The following SGCD variants were observed in gnomAD, a reference collection of about 807,000 sequenced individuals.
SGCD encodes the protein sarcoglycan delta.
SGCD carries 18 observed loss-of-function variants against 36.6 expected under a neutral mutation model. That is an observed-to-expected ratio of 0.49 (90% CI 0.34 to 0.73). SGCD has a LOEUF of 0.73. Among genes scored for constraint, SGCD ranks in the 30% least tolerant of loss-of-function variants. The probability of loss-of-function intolerance (pLI) is 0.01; values close to 1 mark genes in which losing one functional copy is unlikely to be tolerated. For synonymous variants in SGCD, 133 were observed against 130.6 expected (o/e 1.02, Z -0.12); for missense variants, 387 against 346.7 (o/e 1.12, Z -0.92).
chr5:155,854,558 G>T, the SGCD span, among the ~76,000 whole-genome samples: 2 of 152,200 alleles, frequency 1.3e-5, no homozygotes, highest in African/African-American at 4.8e-5. Context: ...GGTAGATTAT[G>T]CTGATTCAAC....
Position 155,887,202 on chromosome 5 carries a change from A to T in SGCD, c.-282+16778A>T, listed in dbSNP as rs77723746. 2.6e-4 allele frequency among the ~76,000 whole-genome samples: 40 copies of T among 152,326 alleles called. No homozygotes were observed. The East Asian group carries it at 6.0e-3, about 23-fold the overall frequency. ...GAAGTTGCATGGAAATCAAACTTAT[A>T]TCATTCTAGTCATATTTTCTCTCTG... On this transcript the variant is annotated intron_variant, in intron 1 of 9. Transcript: ENST00000517913.
At chr5:155,818,754 C>T in the SGCD span, among the ~76,000 whole-genome samples, 4 of 152,132 alleles carry the variant, frequency 2.6e-5, no homozygotes, top group Admixed American at 6.5e-5. Flanking sequence ...CTTCTGGCCT[C>T]AAGAGATCCT....
intron 7 of SGCD, among the ~76,000 whole-genome samples, chr5:156,684,635 A>T (rs1026352696): frequency 1.3e-5 from 2 of 152,184 alleles, no homozygotes; most frequent in African/African-American, 4.8e-5. Flanking sequence ...CACAGCAATT[A>T]TTCATCTGTA....
upstream of SGCD, among the ~76,000 whole-genome samples, chr5:156,325,587 A>G (rs1307740930): frequency 6.6e-6 from 1 of 152,164 alleles, no homozygotes; most frequent in Non-Finnish European, 1.5e-5. Flanking sequence ...AGGCTAGATG[A>G]TATCACCTTC....
chr5:156,560,573 A>T (rs1759226832), intron 4 of SGCD, among the ~76,000 whole-genome samples: 5 of 152,228 alleles, frequency 3.3e-5, no homozygotes, highest in Admixed American at 3.3e-4. Context: ...TGTAATAGAA[A>T]ACAGTTTAAA....
At chr5:156,264,523 CA>C (rs1248479684) in intron 3 of SGCD, among the ~76,000 whole-genome samples, 1 of 152,014 alleles carries the variant, frequency 6.6e-6, no homozygotes, top group African/African-American at 2.4e-5. Context: ...GTTCAAATTC[CA>C]ATGCTATCAC....
intron 3 of SGCD, among the ~76,000 whole-genome samples, chr5:156,256,578 T>C (rs1211206350): frequency 6.6e-6 from 1 of 152,208 alleles, no homozygotes; most frequent in Non-Finnish European, 1.5e-5. Context: ...TTGATAGATA[T>C]TTGGTTCATT....
chr5:156,435,826 C>G (rs944247832), intron 3 of SGCD, among the ~76,000 whole-genome samples: 1 of 152,122 alleles, frequency 6.6e-6, no homozygotes, highest in African/African-American at 2.4e-5. Flanking sequence ...TCAACTCAGG[C>G]CTTTGTAAAA....
At chr5:156,279,924 T>A (rs1766407824) in intron 3 of SGCD, among the ~76,000 whole-genome samples, 2 of 151,904 alleles carry the variant, frequency 1.3e-5, no homozygotes, top group Admixed American at 1.3e-4. Flanking sequence ...TTTCCACCAC[T>A]CTGTGAAATG....
chr5:156,748,290 GA>G (rs1422633479), intron 7 of SGCD, among the ~76,000 whole-genome samples: 5 of 152,214 alleles, frequency 3.3e-5, no homozygotes, highest in African/African-American at 1.2e-4. Flanking sequence ...GTGATTACCT[GA>G]AACTATACAT....
At chr5:156,034,303 C>T (rs1759434988) in intron 1 of SGCD, among the ~76,000 whole-genome samples, 1 of 152,168 alleles carries the variant, frequency 6.6e-6, no homozygotes, top group Admixed American at 6.5e-5. Context: ...CTTCCTCCAC[C>T]AAACCTTTTG....
At chr5:156,718,728 G>A (rs1263588270) in intron 7 of SGCD, among the ~76,000 whole-genome samples, 1 of 151,502 alleles carries the variant, frequency 6.6e-6, no homozygotes, top group East Asian at 1.9e-4. Context: ...CAGCACTTTG[G>A]GAGGTTGAGG....
chr5:156,618,483 G>A (rs1458167703), intron 6 of SGCD, among the ~76,000 whole-genome samples: 7 of 149,476 alleles, frequency 4.7e-5, no homozygotes, highest in African/African-American at 9.9e-5. Flanking sequence ...GAACAACCAC[G>A]ACCTAATAAA....
At chr5:156,541,220 G>T (rs1192237400) in intron 4 of SGCD, among the ~76,000 whole-genome samples, 1 of 152,166 alleles carries the variant, frequency 6.6e-6, no homozygotes, top group Non-Finnish European at 1.5e-5. Flanking sequence ...AGTTAAGCAA[G>T]GCCATGTTGG....
At chr5:156,442,277 G>T (rs1235799737) in intron 3 of SGCD, among the ~76,000 whole-genome samples, 6 of 152,130 alleles carry the variant, frequency 3.9e-5, no homozygotes, top group African/African-American at 7.2e-5. Flanking sequence ...AACAAGTAAG[G>T]ATGCTAAAGA....
At chr5:156,408,406 T>C (rs1228322985) in intron 3 of SGCD, among the ~76,000 whole-genome samples, 1 of 151,666 alleles carries the variant, frequency 6.6e-6, no homozygotes, top group Non-Finnish European at 1.5e-5. Context: ...TCACCCAGGC[T>C]GGAGTGCAGT....
At chr5:156,510,324 G>A (rs534830825) in intron 4 of SGCD, among the ~76,000 whole-genome samples, 37 of 152,304 alleles carry the variant, frequency 2.4e-4, no homozygotes, top group African/African-American at 7.7e-4. Context: ...ACCCTGTAAC[G>A]TGGAGAGTCA....
the SGCD span, among the ~76,000 whole-genome samples, chr5:155,728,919 C>G: frequency 1.3e-5 from 2 of 152,236 alleles, no homozygotes; most frequent in Non-Finnish European, 2.9e-5. Context: ...GAGCGAGACA[C>G]CAAGGCGTTT....
chr5:156,607,492 T>C (rs776155362), intron 6 of SGCD, among the ~76,000 whole-genome samples: 59 of 152,228 alleles, frequency 3.9e-4, no homozygotes, highest in Non-Finnish European at 7.5e-4. Context: ...ATCAGGGATA[T>C]TGGTCTAAAA....
Sources: allele counts gnomAD v4.1 joint callset (sites outside exome capture counted in the v4.1 genomes callset), GRCh38; gene constraint gnomAD v4.1.1; transcripts MANE v1.5; gene names NCBI Gene and HGNC (gene_info 2026-07-23, HGNC 2026-07-21).